ZMYM2: variants seen among roughly 807,000 people sequenced by gnomAD.
The protein encoded by ZMYM2 is zinc finger MYM-type protein 2.
A neutral mutation model predicts 162.8 loss-of-function variants in ZMYM2; 56 were observed. The ratio of observed to expected loss-of-function variants is 0.34; its 90% CI spans 0.28 to 0.43. The LOEUF (loss-of-function observed/expected upper bound fraction) is 0.43. ZMYM2 is among the 20% of genes least tolerant of loss of function. ZMYM2 has a pLI of 1.00. For missense variants in ZMYM2, 1,275 were observed against 1,621.8 expected, an observed-to-expected ratio of 0.79 and a Z score of 3.67; for synonymous variants, 510 against 541.6, an observed-to-expected ratio of 0.94 and a Z score of 0.81.
At chr13:19,981,280 GAAAAAACAAAAAACAAACAAACAAAAA>G (rs1382310236) in intron 2 of ZMYM2, among the ~76,000 whole-genome samples, 12 of 142,310 alleles carry the variant, frequency 8.4e-5, no homozygotes, top group Admixed American at 4.7e-4. Context: ...CTAAAAAACA[GAAAAAACAAAAAACAAACAAACAAAAA>G]AAAAAACAAA....
Position 20,058,705 on chromosome 13 carries a change from G to A in ZMYM2, c.2623+1G>A, listed in dbSNP as rs766769611. ...ATGCAGACCAAATCTTGTCAGACAG[G>A]TAACTTAGGACAATGTGACTTACAT... On this transcript the variant is annotated splice_donor_variant, in intron 15 of 24. Transcript: ENST00000610343. LOFTEE classifies it high-confidence loss of function. 1 of 1,613,176 alleles carries A rather than the reference G, an allele frequency of 6.2e-7. No individual in the cohort carries two copies. Among genetic ancestry groups the A allele is most frequent in the Non-Finnish European group, 8.5e-7 (1 of 1,179,570 alleles).
chr13:19,992,622 C>T (rs1285112255), intron 2 of ZMYM2, among the ~76,000 whole-genome samples: 2 of 151,654 alleles, frequency 1.3e-5, no homozygotes, highest in Admixed American at 6.6e-5. Context: ...TTATATGATA[C>T]AGTGAATAAA....
intron 18 of ZMYM2, among the ~76,000 whole-genome samples, chr13:20,064,211 T>C (rs1354468584): frequency 1.3e-5 from 2 of 152,046 alleles, no homozygotes; most frequent in East Asian, 3.8e-4. Context: ...TCTGGTATCA[T>C]ACATTTTCAT....
chr13:19,898,065 A>C, the ZMYM2 span, among the ~76,000 whole-genome samples: 1 of 152,324 alleles, frequency 6.6e-6, no homozygotes, highest in Admixed American at 6.5e-5. Context: ...TACACATGGG[A>C]AATTCTCCAA....
chr13:19,873,196 C>T, the ZMYM2 span, among the ~76,000 whole-genome samples: 1 of 151,692 alleles, frequency 6.6e-6, no homozygotes, highest in Admixed American at 6.6e-5. Context: ...ATCAATGGTC[C>T]CAATATTTTC....
chr13:20,044,758 T>C (rs1282206462), intron 12 of ZMYM2, among the ~76,000 whole-genome samples: 1 of 152,056 alleles, frequency 6.6e-6, no homozygotes, highest in Admixed American at 6.6e-5. Flanking sequence ...TTGTAAAGCA[T>C]GTGAAGACAG....
the ZMYM2 span, among the ~76,000 whole-genome samples, chr13:19,867,221 C>T: frequency 2.0e-5 from 3 of 151,970 alleles, no homozygotes; most frequent in Admixed American, 6.6e-5. Context: ...GGCGTGGTGG[C>T]ACATGCCTGT....
chr13:20,030,406 T>TC (rs1952992301), intron 9 of ZMYM2, among the ~76,000 whole-genome samples: 1 of 149,462 alleles, frequency 6.7e-6, no homozygotes, highest in African/African-American at 2.5e-5. Context: ...TAATTTTTTT[T>TC]TTTTTTTTTT....
the ZMYM2 span, among the ~76,000 whole-genome samples, chr13:19,940,756 A>G: frequency 6.6e-6 from 1 of 152,160 alleles, no homozygotes; most frequent in South Asian, 2.1e-4. Flanking sequence ...GAAAATGTAT[A>G]TTTTTCTAAG....
the ZMYM2 span, among the ~76,000 whole-genome samples, chr13:19,900,086 G>A: frequency 6.6e-6 from 1 of 152,150 alleles, no homozygotes; most frequent in African/African-American, 2.4e-5. Context: ...TGGGCACATT[G>A]CTTGAGGCCA....
chr13:19,883,943 G>C, the ZMYM2 span, among the ~76,000 whole-genome samples: 2 of 152,190 alleles, frequency 1.3e-5, no homozygotes, highest in African/African-American at 4.8e-5. Flanking sequence ...TTTTAGTACA[G>C]ACGGGGTTTC....
the ZMYM2 span, among the ~76,000 whole-genome samples, chr13:19,887,081 G>A: frequency 1.3e-5 from 2 of 151,784 alleles, no homozygotes; most frequent in South Asian, 2.1e-4. Flanking sequence ...ATCATATTAC[G>A]ATGTAATTTA....
chr13:20,019,609 G>A lies in ZMYM2; in HGVS notation c.1575G>A (p.Met525Ile). 1 of 1,594,474 alleles carries A rather than the reference G, an allele frequency of 6.3e-7. No homozygotes were observed. Among genetic ancestry groups the A allele is most frequent in the Non-Finnish European group, 8.5e-7 (1 of 1,169,822 alleles). The stretch of plus-strand genomic sequence containing the variant: ...ATCACATGCAGGACTCTTTCTTAAT[G>A]CAGCCTGAGGTAAGCAGGAATGTAA... ...VRDHMQDSFL[M>I]QPEKYGKLTT... The change falls in exon 7 of 25, where the codon ATG (methionine) becomes ATA (isoleucine). Residue 525 changes from methionine (M) to isoleucine (I), a missense_variant. Around this residue, in one of 10 missense-constraint regions of ZMYM2, gnomAD observed 276 missense variants for 311.8 expected, o/e 0.89. Coordinates refer to ENST00000610343, the MANE Select transcript of ZMYM2 (RefSeq NM_197968.4).
chr13:19,922,520 A>G, the ZMYM2 span, among the ~76,000 whole-genome samples: 2 of 152,084 alleles, frequency 1.3e-5, no homozygotes, highest in Admixed American at 1.3e-4. Flanking sequence ...TCTTTTCTCA[A>G]TCACTTTTGA....
At chr13:20,037,034 A>T in intron 12 of ZMYM2, 125 bp downstream of exon 12, 1 of 771,884 alleles carries the variant, frequency 1.3e-6, no homozygotes. Flanking sequence ...CAGCCCTGAT[A>T]ATACTATTCA....
At chr13:19,956,467 T>C (rs1886015), upstream of ZMYM2, among the ~76,000 whole-genome samples, 4,202 of 152,326 alleles carry the variant, frequency 0.028, 120 homozygotes, top group East Asian at 0.13. Context: ...TTAAAATTAC[T>C]TTTATGTAAA....
chr13:19,903,480 A>G, the ZMYM2 span, among the ~76,000 whole-genome samples: 10,555 of 134,088 alleles, frequency 0.079, 257 homozygotes, highest in Middle Eastern at 0.11. Flanking sequence ...TCCACTAAAA[A>G]TACAAAAAAA....
At chr13:19,888,407 T>A in the ZMYM2 span, among the ~76,000 whole-genome samples, 2 of 151,450 alleles carry the variant, frequency 1.3e-5, no homozygotes, top group African/African-American at 4.9e-5. Flanking sequence ...CAGGCTGGTC[T>A]CAAACTCCTA....
At chr13:19,897,790 C>T in the ZMYM2 span, among the ~76,000 whole-genome samples, 1 of 151,956 alleles carries the variant, frequency 6.6e-6, no homozygotes, top group African/African-American at 2.4e-5. Context: ...AAATCATCAA[C>T]TTACCAACAA....
Sources: gnomAD v4.1 joint callset for allele counts (sites outside exome capture counted in the v4.1 genomes callset) on GRCh38, gnomAD v4.1.1 for gene constraint, gnomAD v4.1.1 regional missense constraint, MANE v1.5 for transcripts, NCBI Gene and HGNC (gene_info 2026-07-23, HGNC 2026-07-21) for gene names.